Variants in CADM1 observed in about 807,000 individuals in gnomAD.
CADM1 encodes the protein cell adhesion molecule 1.
In CADM1, 15 loss-of-function variants were observed where a neutral mutation model predicts 53.1. The observed-to-expected ratio is 0.28, with a 90% CI of 0.19 to 0.44. The LOEUF (loss-of-function observed/expected upper bound fraction) is 0.44, where lower values mean the gene tolerates loss of function less well. Among genes scored for constraint, CADM1 ranks in the 20% least tolerant of loss-of-function variants. The pLI, the probability that CADM1 is intolerant of heterozygous loss-of-function variation, is 1.00. For missense variants in CADM1, 434 were observed against 611.3 expected (o/e 0.71, Z 3.06); for synonymous variants, 281 against 243.0 (o/e 1.16, Z -1.45).
intron 1 of CADM1, among the ~76,000 whole-genome samples, chr11:115,401,925 ATTTTGC>A (rs1486385913): frequency 6.6e-6 from 1 of 152,074 alleles, no homozygotes; most frequent in Non-Finnish European, 1.5e-5. Flanking sequence ...CTTCTTTTTA[ATTTTGC>A]TGTGAATTTA....
intron 11 of CADM1, among the ~76,000 whole-genome samples, chr11:115,178,299 C>T (rs1402298699): frequency 1.3e-5 from 2 of 151,908 alleles, no homozygotes; most frequent in Non-Finnish European, 2.9e-5. Context: ...CCATGTTTAT[C>T]CTTTGCGGCT....
At position 115,173,830 on chromosome 11, in the gene CADM1, G is replaced by A. The variant is rs983627550; in HGVS notation, c.*2644C>T. 10 of 982,266 alleles carry A rather than the reference G, an allele frequency of 1.0e-5. No individual in the cohort carries two copies. Among genetic ancestry groups the A allele is most frequent in the South Asian group, 4.7e-5 (1 of 21,196 alleles). The allele number at this position is 982,266 out of a possible 1,614,324, so 60.8% of individuals were successfully genotyped here. A position where few individuals can be genotyped will look rare whatever the true frequency, so the allele number is the denominator to read the frequency against. ...GGCCTAAAGGGAAAAATAAGACGTC[G>A]GTGTGACTAAAGAACAAGCTTATTT... On this transcript the variant is annotated 3_prime_UTR_variant, in exon 12 of 12. Coordinates refer to ENST00000331581, the MANE Select transcript of CADM1 (RefSeq NM_001301043.2).
At chr11:115,343,623 C>T (rs1304805715) in intron 1 of CADM1, among the ~76,000 whole-genome samples, 1 of 151,194 alleles carries the variant, frequency 6.6e-6, no homozygotes, top group Non-Finnish European at 1.5e-5. Flanking sequence ...TGGGGACTAT[C>T]AATATCTGCA....
intron 1 of CADM1, among the ~76,000 whole-genome samples, chr11:115,317,548 G>A (rs933192486): frequency 3.3e-5 from 5 of 152,306 alleles, no homozygotes; most frequent in Non-Finnish European, 5.9e-5. Flanking sequence ...ACCATCACGT[G>A]TTAAGTTTAT....
At chr11:115,295,900 G>A (rs190454921) in intron 1 of CADM1, among the ~76,000 whole-genome samples, 12 of 152,152 alleles carry the variant, frequency 7.9e-5, no homozygotes, top group African/African-American at 2.9e-4. Flanking sequence ...TTCCTCATTT[G>A]TCAATGCTTA....
At chr11:115,262,593 T>C (rs543786246) in intron 1 of CADM1, among the ~76,000 whole-genome samples, 11 of 152,302 alleles carry the variant, frequency 7.2e-5, no homozygotes, top group African/African-American at 2.6e-4. Context: ...TGAACAAATA[T>C]CTCCTCTGAA....
intron 1 of CADM1, among the ~76,000 whole-genome samples, chr11:115,392,829 A>G (rs1946871821): frequency 6.6e-6 from 1 of 152,142 alleles, no homozygotes; most frequent in African/African-American, 2.4e-5. Flanking sequence ...AAAGATATTC[A>G]TGAAAGCAGT....
chr11:115,304,562 C>G (rs752553557), intron 1 of CADM1, among the ~76,000 whole-genome samples: 1 of 151,970 alleles, frequency 6.6e-6, no homozygotes, highest in Non-Finnish European at 1.5e-5. Flanking sequence ...TATGTCCAAA[C>G]TTCCTGGCTT....
chr11:115,346,687 CAGAG>C (rs1430324804), intron 1 of CADM1, among the ~76,000 whole-genome samples: 7 of 152,176 alleles, frequency 4.6e-5, no homozygotes, highest in Non-Finnish European at 8.8e-5. Context: ...TGAAAGCTGT[CAGAG>C]AGAGGCCCGG....
chr11:115,279,174 G>A (rs1943522705), intron 1 of CADM1, among the ~76,000 whole-genome samples: 1 of 152,112 alleles, frequency 6.6e-6, no homozygotes, highest in South Asian at 2.1e-4. Context: ...TTTGTGGACA[G>A]ACCCTTTAAC....
intron 1 of CADM1, among the ~76,000 whole-genome samples, chr11:115,432,190 C>CT (rs1948072034): frequency 6.6e-6 from 1 of 152,072 alleles, no homozygotes; most frequent in African/African-American, 2.4e-5. Context: ...CATGATCTGC[C>CT]TGCCTAGGCC....
chr11:115,196,595 T>TAAAAAA (rs61694033), intron 9 of CADM1, among the ~76,000 whole-genome samples: 43 of 76,810 alleles, frequency 5.6e-4, no homozygotes, highest in East Asian at 2.0e-3. Context: ...GCTGATGAAC[T>TAAAAAA]AAAAAAAAAA....
At chr11:115,295,534 ATATATATATATATAT>A (rs1944044303) in intron 1 of CADM1, among the ~76,000 whole-genome samples, 1 of 85,706 alleles carries the variant, frequency 1.2e-5, no homozygotes, top group East Asian at 5.8e-4. Context: ...ATATATATAT[ATATATATATATATAT>A]AATATATATG....
intron 1 of CADM1, among the ~76,000 whole-genome samples, chr11:115,306,877 A>G (rs761724789): frequency 1.3e-5 from 2 of 151,976 alleles, no homozygotes; most frequent in Non-Finnish European, 2.9e-5. Context: ...CTTTCTATTC[A>G]TTACTGGGCC....
chr11:115,393,083 A>G (rs1946883516), intron 1 of CADM1, among the ~76,000 whole-genome samples: 1 of 150,630 alleles, frequency 6.6e-6, no homozygotes, highest in African/African-American at 2.4e-5. Flanking sequence ...AAAAAAAAAA[A>G]AAAAAAAGGA....
At chr11:115,447,573 A>G (rs63337360) in intron 1 of CADM1, among the ~76,000 whole-genome samples, 47 of 252 alleles carry the variant, frequency 0.19, no homozygotes, top group Admixed American at 0.46. Context: ...GGAGGCACTG[A>G]AGCTTCTCTA....
chr11:115,235,884 G>C (rs143602201), intron 3 of CADM1, among the ~76,000 whole-genome samples: 46 of 152,270 alleles, frequency 3.0e-4, no homozygotes, highest in Admixed American at 1.1e-3. Context: ...GTAGTATAAA[G>C]AGAGTCCTAC....
intron 1 of CADM1, among the ~76,000 whole-genome samples, chr11:115,289,666 G>A (rs1223316984): frequency 5.0e-5 from 7 of 139,700 alleles, no homozygotes; most frequent in South Asian, 2.4e-4. Context: ...CGCGATCTCC[G>A]CTCACTGCAA....
chr11:115,336,553 T>A (rs1232524399), intron 1 of CADM1, among the ~76,000 whole-genome samples: 1 of 152,186 alleles, frequency 6.6e-6, no homozygotes, highest in Non-Finnish European at 1.5e-5. Context: ...TATTTAATTT[T>A]CTGATTAACT....
Sources: gnomAD v4.1 joint callset for allele counts (sites outside exome capture counted in the v4.1 genomes callset) on GRCh38, gnomAD v4.1.1 for gene constraint, MANE v1.5 for transcripts, NCBI Gene and HGNC (gene_info 2026-07-23, HGNC 2026-07-21) for gene names.